The following TASP1 variants were observed in gnomAD, a reference collection of about 807,000 sequenced individuals.
The protein encoded by TASP1 is taspase 1, also known as threonine aspartase 1.
A neutral mutation model predicts 56.6 loss-of-function variants in TASP1; 16 were observed. That is an observed-to-expected ratio of 0.28 (90% CI 0.19 to 0.43). TASP1 has a LOEUF of 0.43. TASP1 is among the 20% of genes least tolerant of loss of function. The pLI is 1.00. For synonymous variants in TASP1, 179 were observed against 184.2 expected (o/e 0.97, Z 0.23); for missense variants, 393 against 511.6 (o/e 0.77, Z 2.24).
chr20:13,275,193 T>C, the TASP1 span, among the ~76,000 whole-genome samples: 1 of 150,940 alleles, frequency 6.6e-6, no homozygotes, highest in Non-Finnish European at 1.5e-5. Context: ...TTTTCTCCCA[T>C]TAAGACGGAC....
chr20:13,174,632 G>A, the TASP1 span, among the ~76,000 whole-genome samples: 10 of 151,318 alleles, frequency 6.6e-5, no homozygotes, highest in African/African-American at 2.2e-4. Context: ...CTGGGAAGTC[G>A]AAGCTGCAGT....
chr20:13,265,209 C>A, the TASP1 span, among the ~76,000 whole-genome samples: 1 of 152,206 alleles, frequency 6.6e-6, no homozygotes, highest in African/African-American at 2.4e-5. Flanking sequence ...AGCTCCTGAA[C>A]CCCTCCCCAG....
At chr20:13,283,750 C>T in the TASP1 span, among the ~76,000 whole-genome samples, 49 of 152,304 alleles carry the variant, frequency 3.2e-4, no homozygotes, top group African/African-American at 1.2e-3. Flanking sequence ...TTTAGAATAG[C>T]CCACATAATG....
the TASP1 span, chr20:13,299,682 G>A: frequency 2.1e-6 from 1 of 479,904 alleles, no homozygotes; most frequent in South Asian, 4.2e-5. This position sits in a 1 kb window ranked among gnomAD's most constrained non-coding sequence, Gnocchi z 5.8. Context: ...AAGTGCCCCT[G>A]GGGAGCGATG....
Position 13,559,981 on chromosome 20 carries a change from G to A in TASP1, c.569-867C>T, listed in dbSNP as rs115876785. The stretch of plus-strand genomic sequence containing the variant: ...TAATCAGATACAGAATATAACACAC[G>A]TTTATGCTCAGAGAAAGAAAAGAAA... On this transcript the variant is annotated intron_variant, in intron 7 of 13. Coordinates refer to ENST00000337743, the MANE Select transcript of TASP1 (RefSeq NM_017714.3). Among the ~76,000 whole-genome samples the A allele has an allele frequency of 4.7e-3, 708 of 152,162 alleles. 4 individuals are homozygous for A. Among genetic ancestry groups the A allele is most frequent in the African/African-American group, 0.015 (631 of 41,516 alleles).
chr20:13,117,576 A>G, the TASP1 span: 29 of 1,613,680 alleles, frequency 1.8e-5, no homozygotes, highest in Non-Finnish European at 2.4e-5. Flanking sequence ...TTACCTCTAC[A>G]TAGATGAAGC....
intron 11 of TASP1, among the ~76,000 whole-genome samples, chr20:13,448,737 T>C (rs2043507101): frequency 6.6e-6 from 1 of 152,076 alleles, no homozygotes; most frequent in Admixed American, 6.6e-5. Context: ...AAATGCAACA[T>C]TTTTTTCACA....
At chr20:13,206,456 C>G in the TASP1 span, among the ~76,000 whole-genome samples, 1 of 151,990 alleles carries the variant, frequency 6.6e-6, no homozygotes, top group African/African-American at 2.4e-5. Flanking sequence ...CCCCCAAGTT[C>G]TCAGTGGCTT....
At chr20:13,277,291 TC>T in the TASP1 span, among the ~76,000 whole-genome samples, 2 of 152,198 alleles carry the variant, frequency 1.3e-5, no homozygotes, top group Non-Finnish European at 2.9e-5. Flanking sequence ...TTGGGCACAT[TC>T]CCTCTTATCT....
chr20:13,186,792 A>T, the TASP1 span, among the ~76,000 whole-genome samples: 2 of 152,228 alleles, frequency 1.3e-5, no homozygotes, highest in Non-Finnish European at 2.9e-5. Flanking sequence ...AAATCCTCAC[A>T]CTAAAGACCT....
At chr20:13,238,428 C>T in the TASP1 span, among the ~76,000 whole-genome samples, 3 of 152,064 alleles carry the variant, frequency 2.0e-5, no homozygotes, top group African/African-American at 7.2e-5. Context: ...TTGGAGCTGC[C>T]CTTCAGTAGG....
chr20:13,337,272 A>G, the TASP1 span, among the ~76,000 whole-genome samples: 1 of 152,194 alleles, frequency 6.6e-6, no homozygotes, highest in Admixed American at 6.5e-5. Context: ...CAGACTCTCT[A>G]AGCCCCTCCC....
At chr20:13,609,035 T>C (rs6033772) in intron 4 of TASP1, among the ~76,000 whole-genome samples, 40,852 of 152,056 alleles carry the variant, frequency 0.27, 7,322 homozygotes, top group African/African-American at 0.51. Context: ...TTCAGACTTA[T>C]AGAAAAGTAC....
chr20:13,552,034 CAGGACA>C (rs1169385366), intron 8 of TASP1, among the ~76,000 whole-genome samples: 1 of 152,208 alleles, frequency 6.6e-6, no homozygotes, highest in African/African-American at 2.4e-5. Context: ...GGAAACATCA[CAGGACA>C]AACAGTCCAG....
At chr20:13,295,212 C>A in the TASP1 span, among the ~76,000 whole-genome samples, 1 of 152,170 alleles carries the variant, frequency 6.6e-6, no homozygotes, top group African/African-American at 2.4e-5. Context: ...TCTTCTGATC[C>A]CACCTGCTGT....
At chr20:13,631,831 C>T (rs2049095550) in intron 1 of TASP1, among the ~76,000 whole-genome samples, 1 of 152,150 alleles carries the variant, frequency 6.6e-6, no homozygotes, top group Admixed American at 6.5e-5. Flanking sequence ...TTCGGGAGGC[C>T]AAGGCGGGTG....
chr20:13,618,364 G>A (rs1568657265), intron 4 of TASP1, among the ~76,000 whole-genome samples: 1 of 152,106 alleles, frequency 6.6e-6, no homozygotes, highest in Non-Finnish European at 1.5e-5. Context: ...AGTGAGCCAA[G>A]ATCATACCAC....
At position 13,559,167 on chromosome 20, in the gene TASP1, C is replaced by T. The variant is rs544917723; in HGVS notation, c.569-53G>A. 7.0e-6 allele frequency: 8 copies of T among 1,141,974 alleles called. No individual in the cohort carries two copies. In the East Asian group the frequency reaches 1.9e-4, roughly 28 times the overall value. 70.7% of individuals were successfully genotyped at this position (1,141,974 alleles called of 1,614,324 possible). A position where few individuals can be genotyped will look rare whatever the true frequency, so the allele number is the denominator to read the frequency against. On this transcript the variant is annotated intron_variant, in intron 7 of 13. Coordinates refer to ENST00000337743, the MANE Select transcript of TASP1 (RefSeq NM_017714.3). ...ATATAACATTTAAGAAATATTAGGG[C>T]AATGGGTCAAATAAGATATCTGAAG... is the stretch of plus-strand genomic sequence containing the variant.
At chr20:13,331,855 T>C in the TASP1 span, among the ~76,000 whole-genome samples, 2 of 152,160 alleles carry the variant, frequency 1.3e-5, no homozygotes, top group South Asian at 2.1e-4. Flanking sequence ...TTGCTCACCA[T>C]GCAATATTCT....
Sources: allele counts gnomAD v4.1 joint callset (sites outside exome capture counted in the v4.1 genomes callset), GRCh38; gene constraint gnomAD v4.1.1; non-coding constraint Gnocchi (gnomAD v3.1); transcripts MANE v1.5; gene names NCBI Gene and HGNC (gene_info 2026-07-23, HGNC 2026-07-21).